The following CACNA1C variants were observed in gnomAD, a reference collection of about 807,000 sequenced individuals.
The protein encoded by CACNA1C is calcium voltage-gated channel subunit alpha1 C.
CACNA1C carries 30 observed loss-of-function variants against 229.0 expected under a neutral mutation model. The observed-to-expected ratio is 0.13, with a 90% CI of 0.10 to 0.18. CACNA1C has a LOEUF of 0.18. CACNA1C is among the 10% of genes least tolerant of loss of function. The pLI, the probability that CACNA1C is intolerant of heterozygous loss-of-function variation, is 1.00. For synonymous variants in CACNA1C, 1,114 were observed against 1,132.5 expected, an observed-to-expected ratio of 0.98 and a Z score of 0.33; for missense variants, 1,658 against 2,845.0, an observed-to-expected ratio of 0.58 and a Z score of 9.49.
At chr12:2,060,675 C>A (rs751513376) in intron 1 of CACNA1C, among the ~76,000 whole-genome samples, 2 of 152,204 alleles carry the variant, frequency 1.3e-5, no homozygotes, top group Non-Finnish European at 2.9e-5. Flanking sequence ...CATTTCAGAA[C>A]ATAGTGTTGT....
intron 3 of CACNA1C, among the ~76,000 whole-genome samples, chr12:2,282,263 C>T (rs1237229803): frequency 6.6e-6 from 1 of 152,174 alleles, no homozygotes; most frequent in Non-Finnish European, 1.5e-5. Context: ...ATTTTAGAGG[C>T]TGGATTAGGG....
intron 9 of CACNA1C, among the ~76,000 whole-genome samples, chr12:2,516,820 C>T (rs1196395285): frequency 2.0e-5 from 3 of 152,164 alleles, no homozygotes; most frequent in Admixed American, 2.0e-4. Flanking sequence ...AGGAATGAAC[C>T]TCTCCAGGAG....
chr12:2,291,125 T>C lies in CACNA1C; in HGVS notation c.478-157851T>C, dbSNP rs142199202. On this transcript the variant is annotated intron_variant, in intron 3 of 46. Transcript: ENST00000399655. The stretch of plus-strand genomic sequence containing the variant: ...TATGTCGTAGGGTTGTTGCCTGGAT[T>C]GAAAGTAGGTAAAGCACCTACTAGC... 4.2e-3 allele frequency among the ~76,000 whole-genome samples: 646 copies of C among 152,284 alleles called. 7 individuals are homozygous for C. Among genetic ancestry groups the C allele is most frequent in the African/African-American group, 0.015 (610 of 41,554 alleles).
rs546063681 is a variant in CACNA1C at position 2,437,983 on chromosome 12, GTGA to G, written c.478-10987_478-10985del. ...GGTTGGGATGGTGGTGATAATGATG[GTGA>G]TGATGGTGGTGGTGGTGGTAATGGT... On this transcript the variant is annotated intron_variant, in intron 3 of 46. Transcript: ENST00000399655. Among the ~76,000 whole-genome samples, 356 of 150,554 alleles carry G rather than the reference GTGA, an allele frequency of 2.4e-3. 2 individuals are homozygous for G. Among genetic ancestry groups the G allele is most frequent in the Admixed American group, 4.8e-3 (73 of 15,164 alleles).
At chr12:2,073,550 G>C (rs2154525358) in intron 1 of CACNA1C, among the ~76,000 whole-genome samples, 1 of 152,350 alleles carries the variant, frequency 6.6e-6, no homozygotes, top group Admixed American at 6.5e-5. Context: ...GGTGGGAGGA[G>C]AACGGTCTTT....
chr12:2,020,330 TAAGTTGTCCAGTGTC>T (rs1367235218), intron 1 of CACNA1C: 1 of 152,208 alleles, frequency 6.6e-6, no homozygotes, highest in Non-Finnish European at 1.5e-5. Context: ...GGAGATTGAA[TAAGTTGTCCAGTGTC>T]ACCCCTGGTA....
intron 3 of CACNA1C, among the ~76,000 whole-genome samples, chr12:2,232,227 G>GTTTTTTTTTTTTTTTTTTTT (rs1169407536): frequency 2.3e-4 from 17 of 73,568 alleles, no homozygotes; most frequent in Non-Finnish European, 2.6e-4. Context: ...GTCTTTCCTT[G>GTTTTTTTTTTTTTTTTTTTT]TTTTTTTTTT....
At chr12:2,135,308 G>A (rs1239334257) in intron 3 of CACNA1C, among the ~76,000 whole-genome samples, 3 of 146,678 alleles carry the variant, frequency 2.0e-5, no homozygotes, top group Non-Finnish European at 4.5e-5. Context: ...CTCTCAGCTC[G>A]TCAAAGTCAT....
intron 3 of CACNA1C, 59 bp from the exon 4 acceptor site, chr12:2,448,917 C>G: frequency 2.0e-6 from 3 of 1,467,654 alleles, no homozygotes; most frequent in Non-Finnish European, 2.8e-6. Context: ...TGGTTCCAAA[C>G]TTTCCAAATC....
chr12:2,289,976 C>A (rs2093294476), intron 3 of CACNA1C, among the ~76,000 whole-genome samples: 1 of 152,218 alleles, frequency 6.6e-6, no homozygotes, highest in Non-Finnish European at 1.5e-5. Context: ...GTTAAAGAAC[C>A]TGTCCAAAAT....
chr12:2,031,765 G>A (rs959562735), intron 1 of CACNA1C, among the ~76,000 whole-genome samples: 2 of 152,176 alleles, frequency 1.3e-5, no homozygotes, highest in African/African-American at 4.8e-5. Context: ...CATTTTGAAT[G>A]TAGATGGCTC....
chr12:2,679,490 A>G lies in CACNA1C; in HGVS notation c.5138A>G (p.Asp1713Gly), dbSNP rs769297492. 1.8e-5 allele frequency: 29 copies of G among 1,605,186 alleles called. No homozygotes were observed. In the African/African-American group the frequency reaches 2.9e-4, roughly 16 times the overall value. ...FGNHVSYYQS[D>G]GRSAFPQTFT... ...AACCACGTCAGCTACTACCAAAGCG[A>G]CGGCCGGAGCGCCTTCCCCCAGACC... Residue 1713 changes from aspartate (D) to glycine (G), a missense_variant, in exon 42 of 47, where the codon GAC becomes GGC. Physicochemically the swap from Asp to Gly is moderately conservative, Grantham distance 94. This residue lies in a region of CACNA1C where 590 missense variants were observed against 700.8 expected (regional missense o/e 0.84). Transcript: ENST00000399655. The surrounding 1 kb of genome is among the most constrained non-coding windows in gnomAD (Gnocchi z 5.5).
intron 18 of CACNA1C, among the ~76,000 whole-genome samples, chr12:2,589,271 A>G (rs991585285): frequency 6.6e-6 from 1 of 152,236 alleles, no homozygotes; most frequent in East Asian, 1.9e-4. Flanking sequence ...AAAAGGTGAC[A>G]TCACATGATG....
At chr12:2,514,478 T>C (rs1311297920) in intron 9 of CACNA1C, among the ~76,000 whole-genome samples, 1 of 152,196 alleles carries the variant, frequency 6.6e-6, no homozygotes, top group Non-Finnish European at 1.5e-5. Context: ...AATGAGGGTC[T>C]TCCTGGAAAA....
chr12:2,246,615 G>A (rs1252697386), intron 3 of CACNA1C, among the ~76,000 whole-genome samples: 1 of 152,206 alleles, frequency 6.6e-6, no homozygotes, highest in Non-Finnish European at 1.5e-5. Flanking sequence ...GGCACACCGA[G>A]GGTAGGTCGT....
At chr12:2,530,486 A>G (rs905910696) in intron 9 of CACNA1C, among the ~76,000 whole-genome samples, 13 of 152,302 alleles carry the variant, frequency 8.5e-5, no homozygotes, top group African/African-American at 3.1e-4. Flanking sequence ...GCCATCCTAA[A>G]GATTTCTTCT....
chr12:2,053,717 C>T lies in CACNA1C; in HGVS notation c.49+106C>T. 2 of 1,090,596 alleles carry T rather than the reference C, an allele frequency of 1.8e-6. No homozygotes were observed. Among genetic ancestry groups the T allele is most frequent in the Middle Eastern group, 3.7e-4 (1 of 2,686 alleles). 67.6% of individuals were successfully genotyped at this position (1,090,596 alleles called of 1,614,324 possible). ...CCGGGGCCGGTCCCTGCGGAGTGGC[C>T]CGGGGCCGCGTCCGCGAGGGGCGCC... On this transcript the variant is annotated intron_variant, in intron 1 of 46. Coordinates refer to ENST00000399655, the MANE Select transcript of CACNA1C (RefSeq NM_000719.7). This position sits in a 1 kb window ranked among gnomAD's most constrained non-coding sequence, Gnocchi z 5.8.
At position 2,556,934 on chromosome 12, in the gene CACNA1C, T is replaced by A. The variant is rs1282086485; in HGVS notation, c.1482-17T>A. 6.2e-7 allele frequency: 1 copy of A among 1,609,462 alleles called. No homozygotes were observed. ...TGTGTGTCCATCCTTTGGTAACATT[T>A]CCTTTTTCTTTTTCAGCCACCGGAT... On this transcript the variant is annotated splice_polypyrimidine_tract_variant and intron_variant, in intron 10 of 46. Transcript: ENST00000399655.
chr12:2,291,886 A>G (rs2093554027), intron 3 of CACNA1C, among the ~76,000 whole-genome samples: 1 of 152,214 alleles, frequency 6.6e-6, no homozygotes, highest in Admixed American at 6.5e-5. Flanking sequence ...GAAGAGAGAG[A>G]TCCTAATTAG....
Sources: allele counts gnomAD v4.1 joint callset (sites outside exome capture counted in the v4.1 genomes callset), GRCh38; gene constraint gnomAD v4.1.1; regional missense constraint gnomAD v4.1.1; non-coding constraint Gnocchi (gnomAD v3.1); transcripts MANE v1.5; gene names NCBI Gene and HGNC (gene_info 2026-07-23, HGNC 2026-07-21).